The following LDB2 variants were observed in gnomAD, a reference collection of about 807,000 sequenced individuals.
The protein encoded by LDB2 is LIM domain-binding protein 2.
Under a neutral mutation model 44.3 loss-of-function variants are expected in LDB2, and 12 were observed. That is an observed-to-expected ratio of 0.27 (90% CI 0.17 to 0.44). LDB2 has a LOEUF of 0.44. Among genes scored for constraint, LDB2 ranks in the 20% least tolerant of loss-of-function variants. The pLI is 1.00. For missense variants in LDB2, 344 were observed against 473.5 expected, an observed-to-expected ratio of 0.73 and a Z score of 2.54; for synonymous variants, 164 against 174.8, an observed-to-expected ratio of 0.94 and a Z score of 0.49.
intron 7 of LDB2, chr4:16,505,794 C>G: frequency 6.7e-7 from 1 of 1,496,214 alleles, no homozygotes; most frequent in Non-Finnish European, 8.9e-7. Flanking sequence ...CCAGCTCTCA[C>G]CCATTTCACA....
chr4:16,885,609 C>T (rs1721434782), intron 1 of LDB2, among the ~76,000 whole-genome samples: 1 of 152,192 alleles, frequency 6.6e-6, no homozygotes, highest in Non-Finnish European at 1.5e-5. Flanking sequence ...TATATCCCAA[C>T]TCTCTGGTTC....
chr4:16,785,841 A>G (rs1324104738), intron 1 of LDB2, among the ~76,000 whole-genome samples: 1 of 152,112 alleles, frequency 6.6e-6, no homozygotes, highest in Admixed American at 6.5e-5. Flanking sequence ...CTGGAATCAC[A>G]TTAGGTATTT....
chr4:16,808,126 GA>G (rs1452952875), intron 1 of LDB2, among the ~76,000 whole-genome samples: 1 of 152,100 alleles, frequency 6.6e-6, no homozygotes, highest in Non-Finnish European at 1.5e-5. Flanking sequence ...AAAAGGAAAG[GA>G]AAGCAGAAAA....
chr4:16,550,127 C>T (rs59432102), intron 5 of LDB2, among the ~76,000 whole-genome samples: 11,996 of 152,256 alleles, frequency 0.079, 896 homozygotes, highest in East Asian at 0.44. Flanking sequence ...TGTTAGGCCT[C>T]ATTCTCCTTA....
intron 5 of LDB2, among the ~76,000 whole-genome samples, chr4:16,551,568 A>T (rs1737683459): frequency 6.6e-6 from 1 of 151,992 alleles, no homozygotes; most frequent in African/African-American, 2.4e-5. Context: ...CCCAGGCTTT[A>T]GTTCAATGGC....
chr4:16,764,485 T>C (rs1354826694), intron 1 of LDB2, among the ~76,000 whole-genome samples: 1 of 151,726 alleles, frequency 6.6e-6, no homozygotes, highest in Non-Finnish European at 1.5e-5. Flanking sequence ...CACTCAGTTC[T>C]TGGTGACACA....
At chr4:16,821,946 T>C (rs1208772906) in intron 1 of LDB2, among the ~76,000 whole-genome samples, 2 of 151,996 alleles carry the variant, frequency 1.3e-5, no homozygotes, top group Non-Finnish European at 2.9e-5. Flanking sequence ...TTCTGGAATG[T>C]TCACACTCAC....
chr4:16,730,325 T>A (rs1760470630), intron 2 of LDB2, among the ~76,000 whole-genome samples: 1 of 152,154 alleles, frequency 6.6e-6, no homozygotes, highest in Non-Finnish European at 1.5e-5. Flanking sequence ...TTATCATAGT[T>A]ACGACTTTGT....
intron 1 of LDB2, among the ~76,000 whole-genome samples, chr4:16,877,289 T>A (rs1718723949): frequency 6.6e-6 from 1 of 152,222 alleles, no homozygotes; most frequent in Non-Finnish European, 1.5e-5. Flanking sequence ...GTTGTCTTTG[T>A]GTCTTTGGAA....
intron 1 of LDB2, among the ~76,000 whole-genome samples, chr4:16,797,819 A>G (rs1303481375): frequency 6.6e-6 from 1 of 151,734 alleles, no homozygotes; most frequent in African/African-American, 2.4e-5. Context: ...AGCGGATCAC[A>G]AGGTCAGGAG....
chr4:16,698,635 T>C (rs1752732318), intron 2 of LDB2, among the ~76,000 whole-genome samples: 1 of 152,244 alleles, frequency 6.6e-6, no homozygotes, highest in Non-Finnish European at 1.5e-5. Flanking sequence ...GTAGGTTCTT[T>C]GTAAATTAAG....
At chr4:16,853,018 C>T (rs891167355) in intron 1 of LDB2, among the ~76,000 whole-genome samples, 1 of 152,126 alleles carries the variant, frequency 6.6e-6, no homozygotes, top group Admixed American at 6.6e-5. Flanking sequence ...CAAAAGAAAG[C>T]CCTCTCTTCC....
chr4:16,802,042 T>G (rs1449124731), intron 1 of LDB2, among the ~76,000 whole-genome samples: 1 of 152,238 alleles, frequency 6.6e-6, no homozygotes, highest in Non-Finnish European at 1.5e-5. Context: ...TTTGTCAAAG[T>G]TATTCACTTG....
intron 1 of LDB2, among the ~76,000 whole-genome samples, chr4:16,858,873 TA>T (rs1711522248): frequency 6.6e-6 from 1 of 152,232 alleles, no homozygotes; most frequent in African/African-American, 2.4e-5. Context: ...CGATATCTTT[TA>T]AAAAATTAAT....
At chr4:16,723,345 G>A (rs1245028652) in intron 2 of LDB2, among the ~76,000 whole-genome samples, 1 of 152,166 alleles carries the variant, frequency 6.6e-6, no homozygotes, top group African/African-American at 2.4e-5. Flanking sequence ...AGATGGAAGG[G>A]CAAGAGGGAC....
chr4:16,559,088 C>T (rs1010297437), intron 5 of LDB2, among the ~76,000 whole-genome samples: 53 of 152,278 alleles, frequency 3.5e-4, no homozygotes, highest in African/African-American at 1.2e-3. Context: ...AAAGAACAAC[C>T]GGTACCAGCC....
At chr4:16,529,283 CT>C (rs1327945876) in intron 5 of LDB2, among the ~76,000 whole-genome samples, 3 of 152,154 alleles carry the variant, frequency 2.0e-5, no homozygotes, top group Admixed American at 2.0e-4. Context: ...GGGAATGTAT[CT>C]CTATCATCCT....
chr4:16,512,192 G>T, intron 5 of LDB2, 88 bp from the exon 6 acceptor site: 2 of 1,191,722 alleles, frequency 1.7e-6, no homozygotes, highest in Admixed American at 2.8e-5. Context: ...CAAGTAGACA[G>T]CTTTGAGAAT....
At chr4:16,718,001 T>A (rs1757444908) in intron 2 of LDB2, among the ~76,000 whole-genome samples, 1 of 152,154 alleles carries the variant, frequency 6.6e-6, no homozygotes, top group African/African-American at 2.4e-5. Flanking sequence ...TGCTATGTAA[T>A]AAATACAGTA....
Sources: allele counts gnomAD v4.1 joint callset (sites outside exome capture counted in the v4.1 genomes callset), GRCh38; gene constraint gnomAD v4.1.1; transcripts MANE v1.5; gene names NCBI Gene and HGNC (gene_info 2026-07-23, HGNC 2026-07-21).